SATB1: variants seen among roughly 807,000 people sequenced by gnomAD.
SATB1 encodes the protein DNA-binding protein SATB1.
SATB1 carries 11 observed loss-of-function variants against 86.9 expected under a neutral mutation model. The observed-to-expected ratio is 0.13, with a 90% CI of 0.08 to 0.21. The LOEUF (loss-of-function observed/expected upper bound fraction) is 0.21. Among genes scored for constraint, SATB1 ranks in the 10% least tolerant of loss-of-function variants. SATB1 has a pLI of 1.00. For missense variants in SATB1, 551 were observed against 937.6 expected, an observed-to-expected ratio of 0.59 and a Z score of 5.39; for synonymous variants, 357 against 357.2, an observed-to-expected ratio of 1.00 and a Z score of 0.01.
At chr3:18,415,618 CTG>C (rs1287739257) in intron 4 of SATB1, among the ~76,000 whole-genome samples, 1 of 152,008 alleles carries the variant, frequency 6.6e-6, no homozygotes, top group Non-Finnish European at 1.5e-5. Context: ...ATAAATAAGA[CTG>C]TGGTAATAGT....
intron 9 of SATB1, among the ~76,000 whole-genome samples, chr3:18,356,030 T>C (rs536112795): frequency 9.2e-5 from 14 of 152,122 alleles, no homozygotes; most frequent in African/African-American, 3.4e-4. Context: ...CTAAACCCTT[T>C]GTTTCTATTC....
At chr3:18,416,164 A>G (rs753824143) in intron 3 of SATB1, 31 bp from the exon 4 acceptor site, 6 of 1,561,780 alleles carry the variant, frequency 3.8e-6, no homozygotes, top group Non-Finnish European at 5.2e-6. Context: ...ATGTCACTAA[A>G]TATTTTACCC....
intron 9 of SATB1, among the ~76,000 whole-genome samples, chr3:18,377,565 T>A (rs143091461): frequency 6.6e-6 from 1 of 152,338 alleles, no homozygotes; most frequent in Non-Finnish European, 1.5e-5. Context: ...GCTATTCAGC[T>A]GTAATTCAGG....
chr3:18,429,669 A>G (rs1183974120), upstream of SATB1, among the ~76,000 whole-genome samples: 7 of 152,228 alleles, frequency 4.6e-5, no homozygotes, highest in Admixed American at 4.6e-4. This position sits in a 1 kb window ranked among gnomAD's most constrained non-coding sequence, Gnocchi z 4.1. Context: ...GTTAATAATT[A>G]GAACTCTGAT....
chr3:18,430,556 CT>C (rs1391258610), intron 2 of SATB1, among the ~76,000 whole-genome samples: 1 of 152,106 alleles, frequency 6.6e-6, no homozygotes, highest in African/African-American at 2.4e-5. Flanking sequence ...CATAGCTACC[CT>C]TAGAAATGCC....
chr3:18,370,997 T>C (rs148606235), intron 9 of SATB1, among the ~76,000 whole-genome samples: 121 of 152,312 alleles, frequency 7.9e-4, no homozygotes, highest in African/African-American at 2.9e-3. Context: ...AAGGAGTCTG[T>C]GCATCAACAA....
chr3:18,403,400 A>G (rs1224391042), intron 5 of SATB1, among the ~76,000 whole-genome samples: 5 of 152,108 alleles, frequency 3.3e-5, no homozygotes, highest in African/African-American at 1.2e-4. Context: ...AATTTCAACT[A>G]AGGAATCTGA....
rs140120916 is a variant in SATB1, at chr3:18,418,811, T to C, written c.212-1733A>G. ...ATAAAAACCCACAAAAAGACTTTAG[T>C]AATTTTGTTATTTGGAGTATCTGAG... On this transcript the variant is annotated intron_variant, in intron 2 of 10. Transcript: ENST00000338745. 3.0e-4 allele frequency among the ~76,000 whole-genome samples: 45 copies of C among 152,340 alleles called. 1 individual carries two copies. The highest frequency in any genetic ancestry group is 6.8e-3 in the Middle Eastern group (2 of 294).
At chr3:18,415,258 G>C (rs1698050743) in intron 4 of SATB1, 24 bp from the exon 5 acceptor site, 2 of 1,611,758 alleles carry the variant, frequency 1.2e-6, no homozygotes, top group Admixed American at 1.7e-5. Context: ...AGATTAGAAA[G>C]GGGATTATTA....
chr3:18,386,363 A>C lies in SATB1; in HGVS notation c.1419+36T>G. ...CTTCCTCAAGCATTAAAAAAAAGCT[A>C]AACAAAGAAGGGCAAGGAGGAAAAG... On this transcript the variant is annotated intron_variant, in intron 8 of 10. Coordinates refer to ENST00000338745, the MANE Select transcript of SATB1 (RefSeq NM_002971.6). The surrounding 1 kb of genome is among the most constrained non-coding windows in gnomAD (Gnocchi z 4.5). 6.5e-7 allele frequency: 1 copy of C among 1,529,640 alleles called. No individual in the cohort carries two copies. The highest frequency in any genetic ancestry group is 9.0e-7 in the Non-Finnish European group (1 of 1,113,438). The allele number at this position is 1,529,640 out of a possible 1,614,324, so 94.8% of individuals were successfully genotyped here.
At chr3:18,367,342 A>T (rs542140519) in intron 9 of SATB1, among the ~76,000 whole-genome samples, 6 of 152,366 alleles carry the variant, frequency 3.9e-5, no homozygotes. Flanking sequence ...ATGATGATGA[A>T]AAATGAAGAC....
At chr3:18,422,320 A>G (rs2125174707) in intron 1 of SATB1, among the ~76,000 whole-genome samples, 1 of 152,296 alleles carries the variant, frequency 6.6e-6, no homozygotes, top group Middle Eastern at 3.4e-3. Flanking sequence ...CTTCTGTTTA[A>G]CCATAGCCTA....
intron 5 of SATB1, among the ~76,000 whole-genome samples, chr3:18,405,407 T>A (rs1393284249): frequency 6.6e-6 from 1 of 151,784 alleles, no homozygotes. Context: ...TAGAGCCTTT[T>A]AAAAAAACAA....
chr3:18,417,320 C>T (rs1338552675), intron 2 of SATB1: 5 of 570,214 alleles, frequency 8.8e-6, no homozygotes, highest in Non-Finnish European at 1.5e-5. Context: ...AAGCTGTGCT[C>T]TAAATTAACA....
intron 10 of SATB1, 109 bp downstream of exon 10, chr3:18,351,883 T>TA (rs1387254884): frequency 9.8e-7 from 1 of 1,015,964 alleles, no homozygotes; most frequent in African/African-American, 1.6e-5. Context: ...TATCTCTTGC[T>TA]AAAAAGCCTA....
intron 1 of SATB1, among the ~76,000 whole-genome samples, chr3:18,437,297 T>C (rs1699097644): frequency 6.6e-6 from 1 of 151,948 alleles, no homozygotes; most frequent in South Asian, 2.1e-4. Flanking sequence ...TAATTTCTAA[T>C]GACACTGGAA....
intron 8 of SATB1, among the ~76,000 whole-genome samples, chr3:18,380,437 ATTTT>A (rs533979818): frequency 6.7e-6 from 1 of 148,870 alleles, no homozygotes; most frequent in African/African-American, 2.5e-5. Context: ...TCTTTGGTTA[ATTTT>A]TTTTTTTATT....
At position 18,444,886 on chromosome 3, in the gene SATB1, G is replaced by A. The variant is rs1181545870; in HGVS notation, c.-25+632C>T. 1.4e-5 allele frequency: 2 copies of A among 139,592 alleles called. No individual in the cohort carries two copies. The highest frequency in any genetic ancestry group is 5.3e-5 in the African/African-American group (2 of 37,894). The allele number at this position is 139,592 out of a possible 1,614,324, so 8.6% of individuals were successfully genotyped here. ...GCCAAGGGAAGGAAGAGAAGGAGGG[G>A]GAGGGAGGAGATGTTAACGGGCGGG... On this transcript the variant is annotated intron_variant, in intron 1 of 3. Coordinates refer to the SATB1 transcript ENST00000415069. This position sits in a 1 kb window ranked among gnomAD's most constrained non-coding sequence, Gnocchi z 5.1.
intron 2 of SATB1, among the ~76,000 whole-genome samples, chr3:18,418,376 G>A (rs1559454139): frequency 6.6e-6 from 1 of 152,100 alleles, no homozygotes; most frequent in Non-Finnish European, 1.5e-5. Context: ...CTTTCTACAT[G>A]TGAGTCTTCA....
Sources: allele counts gnomAD v4.1 joint callset (sites outside exome capture counted in the v4.1 genomes callset), GRCh38; gene constraint gnomAD v4.1.1; non-coding constraint Gnocchi (gnomAD v3.1); transcripts MANE v1.5; gene names NCBI Gene and HGNC (gene_info 2026-07-23, HGNC 2026-07-21).